RFTN1: variants seen among roughly 807,000 people sequenced by gnomAD.
RFTN1 encodes the protein raftlin.
Under a neutral mutation model 46.5 loss-of-function variants are expected in RFTN1, and 26 were observed. The ratio of observed to expected loss-of-function variants is 0.56; its 90% CI spans 0.41 to 0.78. The LOEUF (loss-of-function observed/expected upper bound fraction) is 0.78. Among genes scored for constraint, RFTN1 ranks in the 30% least tolerant of loss-of-function variants. The pLI, the probability that RFTN1 is intolerant of heterozygous loss-of-function variation, is 0.00. For synonymous variants in RFTN1, 261 were observed against 284.2 expected (o/e 0.92, Z 0.82); for missense variants, 693 against 718.7 (o/e 0.96, Z 0.41).
At chr3:16,358,186 G>A (rs1005639429) in intron 6 of RFTN1, 139 bp from the exon 7 acceptor site, 11 of 625,112 alleles carry the variant, frequency 1.8e-5, no homozygotes, top group Non-Finnish European at 2.9e-5. Context: ...ATTAAAGAAG[G>A]CACACACAAG....
rs1212724040 is a variant in RFTN1 at position 16,317,764 on chromosome 3, A to G, written c.1333-532T>C. The stretch of plus-strand genomic sequence containing the variant: ...CACAGGACTGGCGGGCCCGCTCCCC[A>G]GCTAGGCCGATAGCCCTTTGCTGAC... On this transcript the variant is annotated intron_variant, in intron 9 of 9. Transcript: ENST00000334133. The surrounding 1 kb of genome is among the most constrained non-coding windows in gnomAD (Gnocchi z 4.3). 5.0e-5 allele frequency among the ~76,000 whole-genome samples: 7 copies of G among 139,192 alleles called. No individual in the cohort carries two copies. The highest frequency in any genetic ancestry group is 7.5e-5 in the Non-Finnish European group (5 of 66,442). The allele number at this position is 139,192 out of a possible 152,430, so 91.3% of individuals were successfully genotyped here.
At position 16,334,215 on chromosome 3, in the gene RFTN1, A is replaced by AT. The variant is rs1235436750; in HGVS notation, c.1147-7340dup. ...ACAACAAAAAATACCCTGAGATACT[A>AT]TTTTTTCACCTATTGAACTGGTAAA... On this transcript the variant is annotated intron_variant, in intron 7 of 9. Coordinates refer to ENST00000334133, the MANE Select transcript of RFTN1 (RefSeq NM_015150.2). The surrounding 1 kb of genome is among the most constrained non-coding windows in gnomAD (Gnocchi z 4.3). Among the ~76,000 whole-genome samples the AT allele has an allele frequency of 6.6e-6, 1 of 152,026 alleles. No homozygotes were observed. Among genetic ancestry groups the AT allele is most frequent in the South Asian group, 2.1e-4 (1 of 4,820 alleles).
In RFTN1 at chr3:16,416,013, T is replaced by A. The variant is rs960549463; in HGVS notation, c.333-6530A>T. 6 of 239,772 alleles carry A rather than the reference T, an allele frequency of 2.5e-5. No homozygotes were observed. The Admixed American group carries it at 3.3e-4, about 13-fold the overall frequency. 14.9% of individuals were successfully genotyped at this position (239,772 alleles called of 1,614,324 possible). The stretch of plus-strand genomic sequence containing the variant: ...AGCTTGGCTCCTTGAAAAAAAAAAA[T>A]CATCATCTTGCTGCTGAGTCATTTC... On this transcript the variant is annotated intron_variant, in intron 3 of 9. Transcript: ENST00000334133.
At position 16,507,941 on chromosome 3, in the gene RFTN1, C is replaced by G. The variant is rs531582957; in HGVS notation, c.-9+5501G>C. Among the ~76,000 whole-genome samples the G allele has an allele frequency of 1.3e-5, 2 of 152,338 alleles. No homozygotes were observed. Among genetic ancestry groups the G allele is most frequent in the South Asian group, 4.1e-4 (2 of 4,832 alleles). ...TCAAGGAGGTCTGCCTATGGAACAA[C>G]ACGACGGGACATTTCAGGTGTAAAC... On this transcript the variant is annotated intron_variant, in intron 1 of 9. Coordinates refer to ENST00000334133, the MANE Select transcript of RFTN1 (RefSeq NM_015150.2). This position sits in a 1 kb window ranked among gnomAD's most constrained non-coding sequence, Gnocchi z 7.1.
rs1336322706 is a variant in RFTN1, at chr3:16,370,565, C to T, written c.827-286G>A. Among the ~76,000 whole-genome samples, 1 of 152,148 alleles carries T rather than the reference C, an allele frequency of 6.6e-6. No homozygotes were observed. The highest frequency in any genetic ancestry group is 1.5e-5 in the Non-Finnish European group (1 of 68,030). On this transcript the variant is annotated intron_variant, in intron 5 of 9. Coordinates refer to ENST00000334133, the MANE Select transcript of RFTN1 (RefSeq NM_015150.2). This position sits in a 1 kb window ranked among gnomAD's most constrained non-coding sequence, Gnocchi z 5.5. Reference sequence around the variant, plus strand: ...TGTTATCTGCGATTAATAGGCACAGCTAGGTGTTTGAGAAAAGAACATAGC... The same window carrying T: ...TGTTATCTGCGATTAATAGGCACAGTTAGGTGTTTGAGAAAAGAACATAGC...
In RFTN1 at chr3:16,381,474, G is replaced by A. The variant is rs370512459; in HGVS notation, c.442-3372C>T. 2.6e-5 allele frequency among the ~76,000 whole-genome samples: 4 copies of A among 152,300 alleles called. No homozygotes were observed. The highest frequency in any genetic ancestry group is 6.5e-5 in the Admixed American group (1 of 15,298). On this transcript the variant is annotated intron_variant, in intron 4 of 9. Transcript: ENST00000334133. The surrounding 1 kb of genome is among the most constrained non-coding windows in gnomAD (Gnocchi z 4.2). ...GTAGATCAGGGATGTAACAAATGAC[G>A]TGGTGTAACACAAAAGGAAGAATAA...
rs538692345 is a variant in RFTN1, at chr3:16,413,764, C to A, written c.333-4281G>T. ...CATGACTAATAATAAAATATGCTTC[C>A]CCATCACTCGCCATCCCCAACTTGG... On this transcript the variant is annotated intron_variant, in intron 3 of 9. Transcript: ENST00000334133. The surrounding 1 kb of genome is among the most constrained non-coding windows in gnomAD (Gnocchi z 4.7). Among the ~76,000 whole-genome samples the A allele has an allele frequency of 6.6e-6, 1 of 152,198 alleles. No individual in the cohort carries two copies. Among genetic ancestry groups the A allele is most frequent in the South Asian group, 2.1e-4 (1 of 4,820 alleles).
chr3:16,477,818 G>C (rs2076306514), intron 2 of RFTN1, among the ~76,000 whole-genome samples: 1 of 152,190 alleles, frequency 6.6e-6, no homozygotes, highest in South Asian at 2.1e-4. Context: ...TGAAAGCCAG[G>C]CTTAGCCACT....
rs2068357427 is a variant in RFTN1, at chr3:16,316,052, A to T, written c.*776T>A. On this transcript the variant is annotated 3_prime_UTR_variant, in exon 10 of 10. Transcript: ENST00000334133. The surrounding 1 kb of genome is among the most constrained non-coding windows in gnomAD (Gnocchi z 4.5). The stretch of plus-strand genomic sequence containing the variant: ...AACTTGACCAATGTTACACTGATTA[A>T]AATAGCACATAACAAGGGCGCCAGC... 1 of 152,698 alleles carries T rather than the reference A, an allele frequency of 6.5e-6. No homozygotes were observed. The highest frequency in any genetic ancestry group is 1.5e-5 in the Non-Finnish European group (1 of 68,154). The allele number at this position is 152,698 out of a possible 1,614,324, so 9.5% of individuals were successfully genotyped here. A position where few individuals can be genotyped will look rare whatever the true frequency, so the allele number is the denominator to read the frequency against.
chr3:16,326,445 C>T (rs1420859598), intron 8 of RFTN1, among the ~76,000 whole-genome samples: 2 of 152,208 alleles, frequency 1.3e-5, no homozygotes, highest in Non-Finnish European at 2.9e-5. Context: ...GCCTACCTAG[C>T]CTAGCACAAG....
At chr3:16,508,606 T>C (rs1326772412) in intron 1 of RFTN1, among the ~76,000 whole-genome samples, 1 of 151,988 alleles carries the variant, frequency 6.6e-6, no homozygotes, top group Non-Finnish European at 1.5e-5. Context: ...GCAATGCTAA[T>C]AATGAAAGCC....
intron 5 of RFTN1, among the ~76,000 whole-genome samples, chr3:16,375,170 G>C (rs2125371441): frequency 6.6e-6 from 1 of 152,234 alleles, no homozygotes; most frequent in Non-Finnish European, 1.5e-5. Context: ...GAGAAGGCAA[G>C]CTGGGAGCTG....
In RFTN1 at chr3:16,409,411, C is replaced by T. The variant is rs1262079176; in HGVS notation, c.405G>A (p.Pro135=). The change falls in exon 4 of 10, where the codon CCG becomes CCA. Residue 135 remains proline, a synonymous_variant. Coordinates refer to ENST00000334133, the MANE Select transcript of RFTN1 (RefSeq NM_015150.2). Reference sequence around the variant, plus strand: ...ACTCTGGGATGAGTTTCTGGTCTGTCGGGTGGTCTAAGGAGGAACAGCAAT... The same window carrying T: ...ACTCTGGGATGAGTTTCTGGTCTGTTGGGTGGTCTAAGGAGGAACAGCAAT... ...ELDCCSSLDH[P]TDQKLIPEFI... 9.3e-6 allele frequency: 15 copies of T among 1,613,398 alleles called. No homozygotes were observed. The highest frequency in any genetic ancestry group is 5.3e-5 in the African/African-American group (4 of 74,906).
At chr3:16,333,972 G>T (rs1444966912) in intron 7 of RFTN1, among the ~76,000 whole-genome samples, 9 of 151,984 alleles carry the variant, frequency 5.9e-5, no homozygotes, top group Admixed American at 5.9e-4. Context: ...GAGACCATCC[G>T]GGCTAACACG....
intron 4 of RFTN1, among the ~76,000 whole-genome samples, chr3:16,395,229 G>A (rs2074439190): frequency 6.6e-6 from 1 of 152,188 alleles, no homozygotes; most frequent in Non-Finnish European, 1.5e-5. Context: ...TTGTCTTTTA[G>A]ATCTTGGCAT....
At chr3:16,511,992 C>T (rs530729189) in intron 1 of RFTN1, among the ~76,000 whole-genome samples, 1 of 152,178 alleles carries the variant, frequency 6.6e-6, no homozygotes, top group South Asian at 2.1e-4. Context: ...ATCACTCAGG[C>T]GGGCCAGAAA....
chr3:16,505,120 A>G (rs1237801853), intron 1 of RFTN1, among the ~76,000 whole-genome samples: 1 of 152,078 alleles, frequency 6.6e-6, no homozygotes, highest in African/African-American at 2.4e-5. Context: ...TCTAATTCCT[A>G]TCTCCAGCTT....
intron 3 of RFTN1, among the ~76,000 whole-genome samples, chr3:16,416,731 C>G (rs1575258087): frequency 6.6e-6 from 1 of 152,086 alleles, no homozygotes; most frequent in South Asian, 2.1e-4. Flanking sequence ...AATGTAGACT[C>G]TTGTATTCTA....
intron 2 of RFTN1, among the ~76,000 whole-genome samples, chr3:16,488,629 C>T (rs1158002362): frequency 6.6e-6 from 1 of 152,184 alleles, no homozygotes; most frequent in Non-Finnish European, 1.5e-5. Context: ...CAACAACATT[C>T]CAGTTGGTGT....
Sources: allele counts gnomAD v4.1 joint callset (sites outside exome capture counted in the v4.1 genomes callset), GRCh38; gene constraint gnomAD v4.1.1; non-coding constraint Gnocchi (gnomAD v3.1); transcripts MANE v1.5; gene names NCBI Gene and HGNC (gene_info 2026-07-23, HGNC 2026-07-21).